EYA3: variants seen among roughly 807,000 people sequenced by gnomAD.
The protein encoded by EYA3 is protein phosphatase EYA3.
EYA3 carries 39 observed loss-of-function variants against 80.0 expected under a neutral mutation model. The ratio of observed to expected loss-of-function variants is 0.49; its 90% CI spans 0.38 to 0.64. EYA3 has a LOEUF of 0.64. Among genes scored for constraint, EYA3 ranks in the 30% least tolerant of loss-of-function variants. The pLI, the probability that EYA3 is intolerant of heterozygous loss-of-function variation, is 0.00. For synonymous variants in EYA3, 206 were observed against 232.8 expected (o/e 0.88, Z 1.05); for missense variants, 523 against 676.1 (o/e 0.77, Z 2.51).
intron 2 of EYA3, among the ~76,000 whole-genome samples, chr1:28,053,355 T>C (rs1352712499): frequency 6.6e-6 from 1 of 152,102 alleles, no homozygotes; most frequent in Admixed American, 6.6e-5. Flanking sequence ...TATGGGCATA[T>C]AATGGCTAAT....
chr1:28,063,313 TTA>T (rs1333636542), intron 1 of EYA3, among the ~76,000 whole-genome samples: 15 of 149,716 alleles, frequency 1.0e-4, no homozygotes, highest in African/African-American at 3.7e-4. Context: ...ATATTTTTTT[TTA>T]TTTTTAATTT....
At chr1:28,050,616 T>C (rs1005367340) in intron 2 of EYA3, among the ~76,000 whole-genome samples, 3 of 152,066 alleles carry the variant, frequency 2.0e-5, no homozygotes, top group African/African-American at 7.2e-5. Flanking sequence ...AGGGAGAAAA[T>C]GTATCTAAAG....
chr1:28,078,005 G>A (rs372049883), intron 1 of EYA3, among the ~76,000 whole-genome samples: 1 of 152,120 alleles, frequency 6.6e-6, no homozygotes, highest in East Asian at 1.9e-4. Flanking sequence ...TCTAGGTTCA[G>A]TTTTTTTATT....
intron 2 of EYA3, among the ~76,000 whole-genome samples, chr1:28,051,784 A>C (rs565602053): frequency 1.5e-3 from 229 of 152,278 alleles, no homozygotes; most frequent in South Asian, 6.6e-3. Context: ...AATAAATGCA[A>C]AGACACCCCA....
chr1:27,979,181 G>T (rs950977685), intron 16 of EYA3, among the ~76,000 whole-genome samples: 2 of 152,122 alleles, frequency 1.3e-5, no homozygotes, highest in African/African-American at 4.8e-5. Flanking sequence ...GATTTTTGGG[G>T]TGAAATGTTT....
chr1:28,030,421 T>C lies in EYA3; in HGVS notation c.362-2495A>G, dbSNP rs113927161. Among the ~76,000 whole-genome samples the C allele has an allele frequency of 7.7e-3, 1,176 of 152,136 alleles. 10 individuals carry two copies. The highest frequency in any genetic ancestry group is 0.051 in the Middle Eastern group (15 of 294). On this transcript the variant is annotated intron_variant, in intron 6 of 17. Transcript: ENST00000373871. ...GATCCTCCTGCCTCAAACCCCCGAA[T>C]AGCTGGGACCACAGGCACACTACGC... is the stretch of plus-strand genomic sequence containing the variant.
Position 28,070,344 on chromosome 1 carries a change from G to A in EYA3, c.-68-12250C>T, listed in dbSNP as rs570385411. On this transcript the variant is annotated intron_variant, in intron 1 of 17. Coordinates refer to ENST00000373871, the MANE Select transcript of EYA3 (RefSeq NM_001990.4). The stretch of plus-strand genomic sequence containing the variant: ...GGGAGGCCAAAGCAGGTGATCACCT[G>A]AGGTCAGGAAATCGAGACCAGCCTG... 9.2e-5 allele frequency among the ~76,000 whole-genome samples: 14 copies of A among 152,214 alleles called. No homozygotes were observed. The South Asian group carries it at 2.5e-3, about 27-fold the overall frequency.
intron 1 of EYA3, among the ~76,000 whole-genome samples, chr1:28,081,486 T>A (rs1415557616): frequency 6.6e-6 from 1 of 152,204 alleles, no homozygotes; most frequent in African/African-American, 2.4e-5. Context: ...AAACACTGAT[T>A]TTTATAAGAT....
At chr1:28,045,791 C>T (rs1643981238) in intron 3 of EYA3, among the ~76,000 whole-genome samples, 1 of 151,802 alleles carries the variant, frequency 6.6e-6, no homozygotes, top group Admixed American at 6.6e-5. Context: ...ATAAAATGAC[C>T]AAAAAAACCC....
At chr1:28,022,879 G>A (rs1297516478) in intron 7 of EYA3, among the ~76,000 whole-genome samples, 1 of 152,060 alleles carries the variant, frequency 6.6e-6, no homozygotes, top group African/African-American at 2.4e-5. Context: ...ACTGCACTTG[G>A]CTAATTTTTA....
chr1:28,014,790 T>C (rs1641937324), intron 8 of EYA3, among the ~76,000 whole-genome samples: 3 of 152,086 alleles, frequency 2.0e-5, no homozygotes, highest in Non-Finnish European at 2.9e-5. Flanking sequence ...GGCACATATA[T>C]GGCAAAACTT....
chr1:28,069,339 G>A (rs1186624897), intron 1 of EYA3, among the ~76,000 whole-genome samples: 2 of 151,666 alleles, frequency 1.3e-5, no homozygotes, highest in Non-Finnish European at 2.9e-5. Context: ...AAACTCCTGA[G>A]CTCAAGTGAT....
intron 10 of EYA3, among the ~76,000 whole-genome samples, chr1:28,005,212 A>C (rs927755058): frequency 1.3e-5 from 2 of 152,202 alleles, no homozygotes; most frequent in African/African-American, 4.8e-5. Context: ...CATCCCAACA[A>C]AGAAAAGCCC....
Position 27,971,477 on chromosome 1 carries a change from T to C in EYA3, c.*2989A>G. ...GGCGTGGTGGTGGGCGCCTGTAATC[T>C]CAGCTAATCAGGAGGCTGAGGTAGG... is the stretch of plus-strand genomic sequence containing the variant. On this transcript the variant is annotated 3_prime_UTR_variant, in exon 18 of 18. Transcript: ENST00000373871. The C allele has an allele frequency of 6.6e-6, 1 of 151,894 alleles. No individual in the cohort carries two copies. Among genetic ancestry groups the C allele is most frequent in the South Asian group, 2.1e-4 (1 of 4,790 alleles). The allele number at this position is 151,894 out of a possible 1,614,324, so 9.4% of individuals were successfully genotyped here. A position where few individuals can be genotyped will look rare whatever the true frequency, so the allele number is the denominator to read the frequency against.
intron 2 of EYA3, 108 bp from the exon 3 acceptor site, chr1:28,048,534 T>C (rs1278289951): frequency 1.2e-5 from 9 of 757,784 alleles, no homozygotes; most frequent in Non-Finnish European, 1.7e-5. Context: ...TGTTTAATTT[T>C]GTTTAGTCTA....
chr1:27,989,675 C>T (rs1639902396), intron 15 of EYA3, 22 bp downstream of exon 15: 5 of 1,484,032 alleles, frequency 3.4e-6, no homozygotes. Flanking sequence ...GAGGATGAGA[C>T]CTAAAAGAAC....
At chr1:28,062,771 C>CA (rs1644681420) in intron 1 of EYA3, among the ~76,000 whole-genome samples, 4 of 151,754 alleles carry the variant, frequency 2.6e-5, no homozygotes, top group African/African-American at 9.7e-5. Flanking sequence ...AAGGCCAAAG[C>CA]AGGCGGATCA....
At chr1:28,001,169 A>G (rs1169118020) in intron 11 of EYA3, among the ~76,000 whole-genome samples, 5 of 148,928 alleles carry the variant, frequency 3.4e-5, no homozygotes, top group Admixed American at 2.7e-4. Flanking sequence ...TAATTTATAT[A>G]AACTATATCA....
At chr1:28,012,567 A>G (rs1641766685) in intron 9 of EYA3, among the ~76,000 whole-genome samples, 2 of 152,340 alleles carry the variant, frequency 1.3e-5, no homozygotes, top group South Asian at 4.1e-4. Context: ...TGTTTATTAA[A>G]TGTGTGTCTA....
Sources: allele counts gnomAD v4.1 joint callset (sites outside exome capture counted in the v4.1 genomes callset), GRCh38; gene constraint gnomAD v4.1.1; transcripts MANE v1.5; gene names NCBI Gene and HGNC (gene_info 2026-07-23, HGNC 2026-07-21).